FNBP1L: variants seen among roughly 807,000 people sequenced by gnomAD.
FNBP1L encodes formin binding protein 1 like.
In FNBP1L, 36 loss-of-function variants were observed where a neutral mutation model predicts 91.2. The ratio of observed to expected loss-of-function variants is 0.39; its 90% CI spans 0.30 to 0.52. FNBP1L has a LOEUF of 0.52. Among genes scored for constraint, FNBP1L ranks in the 20% least tolerant of loss-of-function variants. FNBP1L has a pLI of 0.66. For synonymous variants in FNBP1L, 242 were observed against 237.0 expected, an observed-to-expected ratio of 1.02 and a Z score of -0.19; for missense variants, 571 against 732.1, an observed-to-expected ratio of 0.78 and a Z score of 2.54.
intron 2 of FNBP1L, among the ~76,000 whole-genome samples, chr1:93,507,105 ACACT>A (rs1557798055): frequency 2.2e-3 from 108 of 48,808 alleles, no homozygotes; most frequent in African/African-American, 6.5e-3. Context: ...ACACACACAC[ACACT>A]CTCTCTCTCT....
chr1:93,491,002 C>T (rs910282076), intron 1 of FNBP1L, among the ~76,000 whole-genome samples: 11 of 150,312 alleles, frequency 7.3e-5, no homozygotes, highest in African/African-American at 1.2e-4. Context: ...GTGCAGTGTG[C>T]GATCATGGCT....
At chr1:93,531,107 A>G (rs924891282) in intron 7 of FNBP1L, among the ~76,000 whole-genome samples, 1 of 152,210 alleles carries the variant, frequency 6.6e-6, no homozygotes, top group African/African-American at 2.4e-5. Flanking sequence ...TACTAAAACA[A>G]TGACATTTGT....
chr1:93,498,772 A>G (rs980457403), intron 1 of FNBP1L, among the ~76,000 whole-genome samples: 4 of 152,210 alleles, frequency 2.6e-5, no homozygotes, highest in African/African-American at 9.6e-5. Flanking sequence ...ACTCTATTAT[A>G]TGTCATTATC....
At chr1:93,551,965 A>G in intron 16 of FNBP1L, 1 of 988,812 alleles carries the variant, frequency 1.0e-6, no homozygotes, top group Non-Finnish European at 1.2e-6. Flanking sequence ...TACACATTTG[A>G]AGATAGAGGA....
At chr1:93,514,343 C>T (rs557464508) in intron 2 of FNBP1L, among the ~76,000 whole-genome samples, 48 of 151,492 alleles carry the variant, frequency 3.2e-4, no homozygotes, top group Non-Finnish European at 6.0e-4. Context: ...CCATACTGCC[C>T]AAGGTAATTT....
intron 2 of FNBP1L, among the ~76,000 whole-genome samples, chr1:93,511,385 C>A (rs1670836118): frequency 1.3e-5 from 2 of 152,204 alleles, no homozygotes; most frequent in South Asian, 4.1e-4. Context: ...AAATAAAATC[C>A]TTTACAGACA....
intron 5 of FNBP1L, among the ~76,000 whole-genome samples, chr1:93,526,324 T>G (rs1671494238): frequency 6.6e-6 from 1 of 152,148 alleles, no homozygotes; most frequent in South Asian, 2.1e-4. Context: ...GTCACCAGGC[T>G]CCATCTCCTT....
intron 5 of FNBP1L, 110 bp downstream of exon 5, chr1:93,524,433 A>G: frequency 1.4e-6 from 1 of 737,374 alleles, no homozygotes; most frequent in Non-Finnish European, 2.0e-6. Context: ...GTGTATTATT[A>G]ATAATTTGAC....
At chr1:93,543,627 A>G (rs1201524838) in intron 11 of FNBP1L, among the ~76,000 whole-genome samples, 1 of 152,200 alleles carries the variant, frequency 6.6e-6, no homozygotes, top group Non-Finnish European at 1.5e-5. Context: ...AATTATATTC[A>G]TATTTTCAGT....
intron 2 of FNBP1L, among the ~76,000 whole-genome samples, chr1:93,513,227 T>A (rs1183977991): frequency 6.6e-5 from 10 of 151,502 alleles, no homozygotes; most frequent in African/African-American, 9.7e-5. Flanking sequence ...AGGAAGAAGT[T>A]GAATCTCTGA....
At chr1:93,509,919 C>T (rs376504810) in intron 2 of FNBP1L, among the ~76,000 whole-genome samples, 21 of 152,338 alleles carry the variant, frequency 1.4e-4, no homozygotes, top group African/African-American at 4.8e-4. Context: ...TAAAAAATGG[C>T]GCACCAGGAG....
intron 2 of FNBP1L, among the ~76,000 whole-genome samples, chr1:93,512,514 A>G (rs1336181127): frequency 6.6e-6 from 1 of 152,058 alleles, no homozygotes; most frequent in Non-Finnish European, 1.5e-5. Flanking sequence ...TTGACCACAT[A>G]CTTGGAAGTA....
chr1:93,477,240 G>T (rs1669527278), intron 1 of FNBP1L, among the ~76,000 whole-genome samples: 1 of 152,226 alleles, frequency 6.6e-6, no homozygotes, highest in Admixed American at 6.5e-5. Flanking sequence ...TAGAGATACA[G>T]GGTAGTAGAT....
rs1037205102 is a variant in FNBP1L at position 93,547,110 on chromosome 1, T to C, written c.1407+136T>C. ...TTATGATCTAAAAGTATTATTGTGA[T>C]GTGTGTTATTTAATCTCATTAAAGT... On this transcript the variant is annotated intron_variant, in intron 13 of 16. Transcript: ENST00000271234. 13 of 1,099,558 alleles carry C rather than the reference T, an allele frequency of 1.2e-5. No individual in the cohort carries two copies. In the Admixed American group the frequency reaches 3.1e-4, roughly 26 times the overall value. 68.1% of individuals were successfully genotyped at this position (1,099,558 alleles called of 1,614,324 possible). A position where few individuals can be genotyped will look rare whatever the true frequency, so the allele number is the denominator to read the frequency against.
At position 93,534,916 on chromosome 1, in the gene FNBP1L, T is replaced by G; in HGVS notation, c.990+8T>G. 1 of 1,556,826 alleles carries G rather than the reference T, an allele frequency of 6.4e-7. No individual in the cohort carries two copies. The highest frequency in any genetic ancestry group is 2.4e-5 in the East Asian group (1 of 41,524). ...TTTGGAAAGAAGCCAAAGGTAAAAG[T>G]CATAAAATTCCTATATGCTAATCAG... On this transcript the variant is annotated splice_region_variant and intron_variant, in intron 9 of 16. Transcript: ENST00000271234.
intron 1 of FNBP1L, among the ~76,000 whole-genome samples, chr1:93,457,366 A>G (rs1668706453): frequency 1.3e-5 from 2 of 152,086 alleles, no homozygotes; most frequent in South Asian, 2.1e-4. Context: ...GTTAGTTGCA[A>G]TGTTCTATTT....
At chr1:93,532,846 G>A in intron 7 of FNBP1L, 76 bp from the exon 8 acceptor site, 1 of 1,064,270 alleles carries the variant, frequency 9.4e-7, no homozygotes, top group African/African-American at 1.6e-5. Context: ...TTTTTGATGG[G>A]GGATCACTAA....
At chr1:93,490,666 A>C (rs983482659) in intron 1 of FNBP1L, among the ~76,000 whole-genome samples, 5 of 152,232 alleles carry the variant, frequency 3.3e-5, no homozygotes, top group Non-Finnish European at 5.9e-5. Flanking sequence ...AGGAATAAGA[A>C]CAGTGCTAAA....
intron 14 of FNBP1L, among the ~76,000 whole-genome samples, chr1:93,548,716 C>T (rs1672314502): frequency 6.6e-6 from 1 of 152,068 alleles, no homozygotes; most frequent in Admixed American, 6.6e-5. Context: ...GCGAGTATTC[C>T]TGCAGGTTTC....
Sources: allele counts gnomAD v4.1 joint callset (sites outside exome capture counted in the v4.1 genomes callset), GRCh38; gene constraint gnomAD v4.1.1; transcripts MANE v1.5; gene names NCBI Gene and HGNC (gene_info 2026-07-23, HGNC 2026-07-21).